The following ME1 variants were observed in gnomAD, a reference collection of about 807,000 sequenced individuals.
The protein encoded by ME1 is malic enzyme 1.
A neutral mutation model predicts 66.4 loss-of-function variants in ME1; 74 were observed. The ratio of observed to expected loss-of-function variants is 1.11; its 90% CI spans 0.92 to 1.35. The LOEUF (loss-of-function observed/expected upper bound fraction) is 1.35, where lower values mean the gene tolerates loss of function less well. Ranked by LOEUF, ME1 falls within the 40% of genes most tolerant of loss-of-function variation. The pLI is 0.00. For missense variants in ME1, 750 were observed against 694.1 expected, an observed-to-expected ratio of 1.08 and a Z score of -0.90; for synonymous variants, 251 against 235.6, an observed-to-expected ratio of 1.07 and a Z score of -0.60.
intron 6 of ME1, among the ~76,000 whole-genome samples, chr6:83,306,942 C>A (rs1276668113): frequency 2.6e-5 from 4 of 151,944 alleles, no homozygotes; most frequent in Non-Finnish European, 5.9e-5. Context: ...GGAATTAATG[C>A]AATTGATTAG....
chr6:83,243,643 TCGA>T (rs1790554300), intron 7 of ME1, among the ~76,000 whole-genome samples: 1 of 104,972 alleles, frequency 9.5e-6, no homozygotes, highest in African/African-American at 4.6e-5. Flanking sequence ...TTACATTATA[TCGA>T]TATAATCTAT....
intron 7 of ME1, among the ~76,000 whole-genome samples, chr6:83,251,760 T>C (rs1053855053): frequency 6.6e-6 from 1 of 152,082 alleles, no homozygotes. Context: ...CTAGAATGAG[T>C]GACGAGAGAA....
At chr6:83,384,691 T>C (rs1251577328) in intron 3 of ME1, among the ~76,000 whole-genome samples, 1 of 151,896 alleles carries the variant, frequency 6.6e-6, no homozygotes, top group African/African-American at 2.4e-5. Flanking sequence ...TTTGGGAACT[T>C]AGTCATAAAT....
At chr6:83,410,076 C>CT (rs34225794) in intron 1 of ME1, among the ~76,000 whole-genome samples, 38,846 of 151,810 alleles carry the variant, frequency 0.26, 5,579 homozygotes, top group Middle Eastern at 0.45. Context: ...TTGCCATTTA[C>CT]TTTTTTACTT....
chr6:83,249,856 T>C (rs1166609876), intron 7 of ME1, among the ~76,000 whole-genome samples: 4 of 152,194 alleles, frequency 2.6e-5, no homozygotes, highest in Non-Finnish European at 5.9e-5. Context: ...TTGGAATGTC[T>C]AGGCCTTTCC....
intron 6 of ME1, among the ~76,000 whole-genome samples, chr6:83,312,779 G>C (rs908162316): frequency 1.3e-5 from 2 of 151,980 alleles, no homozygotes; most frequent in Non-Finnish European, 2.9e-5. Context: ...TTAAGAAAGA[G>C]TCTTGCTCTG....
intron 3 of ME1, among the ~76,000 whole-genome samples, chr6:83,354,890 A>G (rs1040868328): frequency 3.3e-5 from 5 of 152,246 alleles, no homozygotes; most frequent in Non-Finnish European, 7.3e-5. Context: ...AATATTATAA[A>G]GCACAGAAAA....
chr6:83,292,213 A>AT (rs1767516288), intron 6 of ME1, among the ~76,000 whole-genome samples: 1 of 151,582 alleles, frequency 6.6e-6, no homozygotes, highest in Admixed American at 6.6e-5. Context: ...GTTTTTTGGA[A>AT]TTTTCAGCCT....
chr6:83,314,294 C>G (rs1767984587), intron 6 of ME1, among the ~76,000 whole-genome samples: 1 of 152,110 alleles, frequency 6.6e-6, no homozygotes, highest in Non-Finnish European at 1.5e-5. Flanking sequence ...CCAAAATGCT[C>G]CAAAATCTGA....
At position 83,412,361 on chromosome 6, in the gene ME1, G is replaced by A. The variant is rs375865832; in HGVS notation, c.79-4460C>T. ...ATATTTGAGGCTATGATTATATTACGGCAGAGATGGTTTGTGTGTTCTGTT... is the reference window on the plus strand; with the variant it reads ...ATATTTGAGGCTATGATTATATTACAGCAGAGATGGTTTGTGTGTTCTGTT... On this transcript the variant is annotated intron_variant, in intron 1 of 13. Transcript: ENST00000369705. 1.7e-3 allele frequency among the ~76,000 whole-genome samples: 255 copies of A among 152,130 alleles called. 2 individuals carry two copies. The highest frequency in any genetic ancestry group is 0.014 in the South Asian group (65 of 4,808).
intron 3 of ME1, among the ~76,000 whole-genome samples, chr6:83,394,317 T>C (rs985880699): frequency 7.2e-5 from 11 of 152,124 alleles, no homozygotes; most frequent in African/African-American, 2.7e-4. Context: ...CGAATGTTTC[T>C]AGCATAAAGA....
At chr6:83,324,353 G>A (rs1183409342) in intron 5 of ME1, among the ~76,000 whole-genome samples, 2 of 151,686 alleles carry the variant, frequency 1.3e-5, no homozygotes, top group South Asian at 2.1e-4. Flanking sequence ...AGAACTGAAG[G>A]AGATAAAGAC....
intron 3 of ME1, among the ~76,000 whole-genome samples, chr6:83,385,933 T>C (rs542528786): frequency 5.9e-5 from 9 of 151,920 alleles, no homozygotes; most frequent in African/African-American, 1.9e-4. Context: ...TAAATAAAAA[T>C]CCACTTTTAA....
At chr6:83,383,946 T>C (rs1769454853) in intron 3 of ME1, among the ~76,000 whole-genome samples, 1 of 151,852 alleles carries the variant, frequency 6.6e-6, no homozygotes, top group African/African-American at 2.4e-5. Context: ...ATAAAACATA[T>C]AGTATTGAGT....
chr6:83,390,334 T>A (rs1405887321), intron 3 of ME1, among the ~76,000 whole-genome samples: 1 of 152,216 alleles, frequency 6.6e-6, no homozygotes, highest in Non-Finnish European at 1.5e-5. Flanking sequence ...AGGGGTATAA[T>A]TCTCCTCTTC....
At chr6:83,328,645 A>G (rs187031473) in intron 5 of ME1, among the ~76,000 whole-genome samples, 63 of 152,360 alleles carry the variant, frequency 4.1e-4, no homozygotes, top group Admixed American at 1.2e-3. Context: ...ATGGTTCCAC[A>G]GACAAAGTAG....
chr6:83,304,303 T>G (rs1374602926), intron 6 of ME1, among the ~76,000 whole-genome samples: 3 of 152,168 alleles, frequency 2.0e-5, no homozygotes, highest in Non-Finnish European at 4.4e-5. Flanking sequence ...AAAATTAGAT[T>G]TCTAAACTTC....
chr6:83,391,718 A>G (rs1583413959), intron 3 of ME1, among the ~76,000 whole-genome samples: 1 of 151,330 alleles, frequency 6.6e-6, no homozygotes, highest in Non-Finnish European at 1.5e-5. Flanking sequence ...CTCTCACTCC[A>G]CTCCAGACAC....
At chr6:83,304,578 TA>T (rs941738641) in intron 6 of ME1, among the ~76,000 whole-genome samples, 2 of 152,186 alleles carry the variant, frequency 1.3e-5, no homozygotes, top group African/African-American at 4.8e-5. Context: ...AATATGATAT[TA>T]TTTTCATGAG....
Sources: allele counts gnomAD v4.1 joint callset (sites outside exome capture counted in the v4.1 genomes callset), GRCh38; gene constraint gnomAD v4.1.1; transcripts MANE v1.5; gene names NCBI Gene and HGNC (gene_info 2026-07-23, HGNC 2026-07-21).